The following ITIH5 variants were observed in gnomAD, a reference collection of about 807,000 sequenced individuals.
ITIH5 encodes inter-alpha-trypsin inhibitor heavy chain H5.
Under a neutral mutation model 77.5 loss-of-function variants are expected in ITIH5, and 65 were observed. That is an observed-to-expected ratio of 0.84 (90% CI 0.69 to 1.03). ITIH5 has a LOEUF of 1.03. Ranked by LOEUF, ITIH5 falls within the 50% of genes least tolerant of loss-of-function variation. The pLI is 0.00. For synonymous variants in ITIH5, 525 were observed against 494.3 expected (o/e 1.06, Z -0.82); for missense variants, 1,208 against 1,213.1 (o/e 1.00, Z 0.06).
At chr10:7,645,531 T>C (rs1833997551) in intron 2 of ITIH5, among the ~76,000 whole-genome samples, 2 of 152,300 alleles carry the variant, frequency 1.3e-5, no homozygotes, top group South Asian at 2.1e-4. Flanking sequence ...TTTTTACTAA[T>C]TGAACTTTAA....
rs1156651052 is a variant in ITIH5 at position 7,560,582 on chromosome 10, G to T, written c.*2501C>A. On this transcript the variant is annotated 3_prime_UTR_variant, in exon 14 of 14. Transcript: ENST00000397146. ...TGGTGCACCTAGCATGGGGCCGTCG[G>T]GGGTCAGGGGAGGATAGAGAACAAT... 1 of 152,250 alleles carries T rather than the reference G, an allele frequency of 6.6e-6. No homozygotes were observed. Among genetic ancestry groups the T allele is most frequent in the Non-Finnish European group, 1.5e-5 (1 of 68,072 alleles). The allele number at this position is 152,250 out of a possible 1,614,324, so 9.4% of individuals were successfully genotyped here.
chr10:7,659,157 A>C (rs986939333), intron 1 of ITIH5, among the ~76,000 whole-genome samples: 1 of 152,132 alleles, frequency 6.6e-6, no homozygotes, highest in Non-Finnish European at 1.5e-5. Context: ...TGAGTGGATC[A>C]CCTGAGGTCA....
rs938035661 is a variant in ITIH5 at position 7,565,570 on chromosome 10, G to A, written c.2527+460C>T. ...TGTGTATACATATATACATACAGAC[G>A]GTATATATAATACATATATACATGT... On this transcript the variant is annotated intron_variant, in intron 13 of 13. Coordinates refer to ENST00000397146, the MANE Select transcript of ITIH5 (RefSeq NM_030569.7). Among the ~76,000 whole-genome samples the A allele has an allele frequency of 1.0e-4, 15 of 145,422 alleles. No individual in the cohort carries two copies. The East Asian group carries it at 2.0e-3, about 20-fold the overall frequency.
intron 11 of ITIH5, among the ~76,000 whole-genome samples, chr10:7,570,618 A>G (rs1161495026): frequency 6.6e-6 from 1 of 152,022 alleles, no homozygotes; most frequent in Non-Finnish European, 1.5e-5. Context: ...TCCAAGTGCA[A>G]TTTGTTTATT....
At chr10:7,630,857 T>G (rs1833701009) in intron 5 of ITIH5, among the ~76,000 whole-genome samples, 1 of 152,174 alleles carries the variant, frequency 6.6e-6, no homozygotes, top group South Asian at 2.1e-4. Flanking sequence ...TTCTCGGTGA[T>G]GAACCAGATG....
chr10:7,634,686 A>T (rs1013836022), intron 5 of ITIH5, among the ~76,000 whole-genome samples: 1 of 152,134 alleles, frequency 6.6e-6, no homozygotes, highest in African/African-American at 2.4e-5. Flanking sequence ...ATCTCTGAAG[A>T]GTCATTATGA....
chr10:7,573,790 G>A (rs1832353573), intron 10 of ITIH5, among the ~76,000 whole-genome samples: 1 of 151,956 alleles, frequency 6.6e-6, no homozygotes, highest in African/African-American at 2.4e-5. Context: ...TCTTTTCTGT[G>A]ATTTTTGTGT....
chr10:7,618,810 T>C (rs1833420421), intron 5 of ITIH5: 1 of 152,162 alleles, frequency 6.6e-6, no homozygotes, highest in Non-Finnish European at 1.5e-5. Flanking sequence ...CTGCTGAGGG[T>C]TTATTAGACA....
chr10:7,609,463 C>G (rs1193550837), intron 7 of ITIH5: 2 of 456,640 alleles, frequency 4.4e-6, no homozygotes, highest in Admixed American at 4.7e-5. Context: ...CTTGGGAACC[C>G]AATTTTGGAC....
rs1833869540 is a variant in ITIH5 at position 7,640,621 on chromosome 10, T to C, written c.401+133A>G. ...TCTACTATATTATTCACTAGATGTA[T>C]TTATATTTTGATAAAAAAGAAAGAG... On this transcript the variant is annotated intron_variant, in intron 4 of 13. Transcript: ENST00000397146. 4.3e-5 allele frequency: 27 copies of C among 625,760 alleles called. 1 individual carries two copies. In the South Asian group the frequency reaches 5.3e-4, roughly 12 times the overall value. 38.8% of individuals were successfully genotyped at this position (625,760 alleles called of 1,614,324 possible).
chr10:7,591,460 C>G (rs1337658440), intron 7 of ITIH5, among the ~76,000 whole-genome samples: 1 of 152,150 alleles, frequency 6.6e-6, no homozygotes, highest in African/African-American at 2.4e-5. Flanking sequence ...GAGGCCATTC[C>G]TAACTCAACA....
chr10:7,581,968 T>C (rs1215464398), intron 8 of ITIH5, among the ~76,000 whole-genome samples: 4 of 149,928 alleles, frequency 2.7e-5, no homozygotes, highest in African/African-American at 4.9e-5. Flanking sequence ...CTCTGCCTCC[T>C]GTGTTCAAGC....
At chr10:7,655,531 T>C in intron 2 of ITIH5, 100 bp downstream of exon 2, 1 of 926,868 alleles carries the variant, frequency 1.1e-6, no homozygotes, top group Non-Finnish European at 1.7e-6. Context: ...CAAGCAACTT[T>C]ATATGTTTTG....
intron 7 of ITIH5, among the ~76,000 whole-genome samples, chr10:7,602,466 C>A (rs1245432735): frequency 6.6e-6 from 1 of 152,204 alleles, no homozygotes; most frequent in Non-Finnish European, 1.5e-5. Flanking sequence ...TTCCCCCAGG[C>A]TGTTCTCATG....
At chr10:7,564,420 G>A (rs915722246) in intron 13 of ITIH5, among the ~76,000 whole-genome samples, 24 of 152,234 alleles carry the variant, frequency 1.6e-4, no homozygotes, top group Middle Eastern at 3.4e-3. Context: ...AAAATATGAT[G>A]GTGGTCCCAT....
intron 5 of ITIH5, among the ~76,000 whole-genome samples, chr10:7,626,846 A>G (rs926776900): frequency 1.3e-5 from 2 of 152,194 alleles, no homozygotes; most frequent in Non-Finnish European, 2.9e-5. Flanking sequence ...ATTTTCTGGA[A>G]CCAAAGTTAG....
At chr10:7,649,454 C>A (rs1356826554) in intron 2 of ITIH5, among the ~76,000 whole-genome samples, 1 of 151,698 alleles carries the variant, frequency 6.6e-6, no homozygotes, top group African/African-American at 2.4e-5. Context: ...GAAATCTAAT[C>A]TTTTATGTCT....
intron 2 of ITIH5, among the ~76,000 whole-genome samples, chr10:7,647,712 T>C (rs1195016177): frequency 2.6e-5 from 4 of 152,218 alleles, no homozygotes; most frequent in African/African-American, 9.6e-5. Context: ...TTACACACTT[T>C]GTTATGTTTT....
At chr10:7,665,921 C>T (rs1043774685) in intron 1 of ITIH5, among the ~76,000 whole-genome samples, 37 of 152,200 alleles carry the variant, frequency 2.4e-4, no homozygotes, top group African/African-American at 8.9e-4. Context: ...TAACTGTCTT[C>T]ATATTTAGGC....
Sources: allele counts gnomAD v4.1 joint callset (sites outside exome capture counted in the v4.1 genomes callset), GRCh38; gene constraint gnomAD v4.1.1; transcripts MANE v1.5; gene names NCBI Gene and HGNC (gene_info 2026-07-23, HGNC 2026-07-21).